PTPRD: variants seen among roughly 807,000 people sequenced by gnomAD.
PTPRD encodes the protein receptor-type tyrosine-protein phosphatase delta.
A neutral mutation model predicts 214.5 loss-of-function variants in PTPRD; 34 were observed. That is an observed-to-expected ratio of 0.16 (90% CI 0.12 to 0.21). The LOEUF is 0.21. PTPRD is among the 10% of genes least tolerant of loss of function. The probability of loss-of-function intolerance (pLI) is 1.00; values close to 1 mark genes in which losing one functional copy is unlikely to be tolerated. For missense variants in PTPRD, 2,545 were observed against 2,398.7 expected, an observed-to-expected ratio of 1.06 and a Z score of -1.27; for synonymous variants, 1,128 against 845.7, an observed-to-expected ratio of 1.33 and a Z score of -5.79.
chr9:10,343,223 C>A (rs933827216), intron 2 of PTPRD, among the ~76,000 whole-genome samples: 1 of 151,770 alleles, frequency 6.6e-6, no homozygotes, highest in Non-Finnish European at 1.5e-5. Flanking sequence ...TGAGAACGTG[C>A]GATGTTTGGT....
Position 9,150,034 on chromosome 9 carries a change from G to A in PTPRD, c.-143+33270C>T, listed in dbSNP as rs61664496. On this transcript the variant is annotated intron_variant, in intron 10 of 45. Transcript: ENST00000381196. ...ATCTTGCTTTGGAAGAAGTGCTGCT[G>A]CCCATCACCTAAGCAATTGTCACCG... Among the ~76,000 whole-genome samples, 44 of 152,294 alleles carry A rather than the reference G, an allele frequency of 2.9e-4. No homozygotes were observed. In the East Asian group the frequency reaches 7.1e-3, roughly 25 times the overall value.
chr9:9,831,141 T>C (rs1000314666), intron 5 of PTPRD, among the ~76,000 whole-genome samples: 5 of 151,860 alleles, frequency 3.3e-5, no homozygotes, highest in African/African-American at 1.2e-4. Context: ...TTAAGCACTA[T>C]GAAGGTTAAG....
intron 9 of PTPRD, among the ~76,000 whole-genome samples, chr9:9,252,315 G>A (rs780692831): frequency 2.6e-5 from 4 of 151,980 alleles, no homozygotes; most frequent in South Asian, 2.1e-4. Context: ...AGAGAAGAAC[G>A]AGTTAATTAA....
chr9:9,990,332 A>G (rs1363968715), intron 4 of PTPRD, among the ~76,000 whole-genome samples: 1 of 152,208 alleles, frequency 6.6e-6, no homozygotes, highest in Non-Finnish European at 1.5e-5. Context: ...AAATGTAACT[A>G]AGTACAATGT....
In PTPRD at chr9:9,285,340, C is replaced by A. The variant is rs533331707; in HGVS notation, c.-202-101977G>T. 2.0e-5 allele frequency among the ~76,000 whole-genome samples: 3 copies of A among 151,888 alleles called. No individual in the cohort carries two copies. In the East Asian group the frequency reaches 5.9e-4, roughly 30 times the overall value. On this transcript the variant is annotated intron_variant, in intron 9 of 45. Coordinates refer to ENST00000381196, the MANE Select transcript of PTPRD (RefSeq NM_002839.4). ...ACATTTTCCTCTATTTCCTATAATG[C>A]TAATTGCTCTTCCTCTGACTTCTCT... is the stretch of plus-strand genomic sequence containing the variant.
chr9:9,108,410 T>C (rs1405509596), intron 10 of PTPRD, among the ~76,000 whole-genome samples: 3 of 152,166 alleles, frequency 2.0e-5, no homozygotes, highest in Admixed American at 6.5e-5. Flanking sequence ...GGCTGTGCTA[T>C]GCTGCAATGA....
intron 14 of PTPRD, among the ~76,000 whole-genome samples, chr9:8,593,233 T>G (rs2094245361): frequency 6.6e-6 from 1 of 152,198 alleles, no homozygotes; most frequent in Admixed American, 6.5e-5. Flanking sequence ...TTTATCTTTG[T>G]GAGGTCAAAT....
At chr9:9,427,677 C>A (rs928187257) in intron 8 of PTPRD, among the ~76,000 whole-genome samples, 3 of 152,124 alleles carry the variant, frequency 2.0e-5, no homozygotes, top group Non-Finnish European at 4.4e-5. Context: ...GTTGGGTTAC[C>A]CACAAAGGGA....
chr9:8,689,195 T>C (rs2097755202), intron 12 of PTPRD, among the ~76,000 whole-genome samples: 2 of 152,216 alleles, frequency 1.3e-5, no homozygotes, highest in Non-Finnish European at 2.9e-5. Flanking sequence ...CTCTAATTGA[T>C]ACCAATATCA....
chr9:9,908,530 G>A (rs2078264351), intron 5 of PTPRD, among the ~76,000 whole-genome samples: 1 of 152,018 alleles, frequency 6.6e-6, no homozygotes, highest in South Asian at 2.1e-4. Flanking sequence ...CCACAGGGTT[G>A]TTAATGTATA....
intron 12 of PTPRD, among the ~76,000 whole-genome samples, chr9:8,721,154 C>A (rs1015491637): frequency 6.6e-6 from 1 of 151,312 alleles, no homozygotes; most frequent in Non-Finnish European, 1.5e-5. Context: ...ACTGGCTGGG[C>A]GTAGTGGCTC....
At chr9:8,505,643 AAAGAAGAAG>A (rs1183120746) in intron 22 of PTPRD, among the ~76,000 whole-genome samples, 1 of 123,312 alleles carries the variant, frequency 8.1e-6, no homozygotes, top group Non-Finnish European at 1.9e-5. Flanking sequence ...AAAAAAAAAA[AAAGAAGAAG>A]AAGAAGAAGA....
intron 14 of PTPRD, among the ~76,000 whole-genome samples, chr9:8,544,185 T>TTTTTTG (rs369919861): frequency 4.3e-4 from 59 of 137,790 alleles, no homozygotes; most frequent in African/African-American, 1.5e-3. Context: ...TTTTTTTTTT[T>TTTTTTG]GAGACAGAGT....
chr9:9,453,364 A>G (rs1246005499), intron 8 of PTPRD, among the ~76,000 whole-genome samples: 1 of 151,642 alleles, frequency 6.6e-6, no homozygotes, highest in Admixed American at 6.6e-5. Context: ...ATTTCCAAAT[A>G]ATTTCTGAAG....
rs148361657 is a variant in PTPRD at position 10,393,422 on chromosome 9, C to T, written c.-599-52405G>A. 1.7e-4 allele frequency among the ~76,000 whole-genome samples: 26 copies of T among 151,610 alleles called. No individual in the cohort carries two copies. The East Asian group carries it at 4.9e-3, about 29-fold the overall frequency. On this transcript the variant is annotated intron_variant, in intron 2 of 45. Transcript: ENST00000381196. ...CATTAGACCCATTTCTTTCAAGGTTCTGATTTATATTTGTTACATTAGTTT... is the reference window on the plus strand; with the variant it reads ...CATTAGACCCATTTCTTTCAAGGTTTTGATTTATATTTGTTACATTAGTTT...
intron 33 of PTPRD, among the ~76,000 whole-genome samples, chr9:8,456,401 G>A (rs1157703941): frequency 6.6e-6 from 1 of 152,098 alleles, no homozygotes; most frequent in African/African-American, 2.4e-5. Flanking sequence ...TAGCATCCTA[G>A]CTTACTTCCA....
intron 10 of PTPRD, among the ~76,000 whole-genome samples, chr9:9,110,562 A>C (rs569623809): frequency 4.6e-4 from 70 of 152,246 alleles, no homozygotes; most frequent in African/African-American, 1.6e-3. Flanking sequence ...TTTTACAAAA[A>C]TATTTCCTCC....
chr9:9,667,289 C>T (rs531785226), intron 7 of PTPRD, among the ~76,000 whole-genome samples: 1 of 152,094 alleles, frequency 6.6e-6, no homozygotes, highest in South Asian at 2.1e-4. Flanking sequence ...TATTATTTCC[C>T]CAAGCCTTAT....
At chr9:8,937,963 G>A (rs934155899) in intron 11 of PTPRD, among the ~76,000 whole-genome samples, 3 of 152,212 alleles carry the variant, frequency 2.0e-5, no homozygotes, top group Non-Finnish European at 4.4e-5. Context: ...GTCAATTTCT[G>A]TGATGGCACT....
Sources: allele counts gnomAD v4.1 joint callset (sites outside exome capture counted in the v4.1 genomes callset), GRCh38; gene constraint gnomAD v4.1.1; transcripts MANE v1.5; gene names NCBI Gene and HGNC (gene_info 2026-07-23, HGNC 2026-07-21).